GTPBP1: variants seen among roughly 807,000 people sequenced by gnomAD.
GTPBP1 encodes GTP binding protein 1.
Under a neutral mutation model 62.0 loss-of-function variants are expected in GTPBP1, and 23 were observed. The ratio of observed to expected loss-of-function variants is 0.37; its 90% CI spans 0.27 to 0.53. The LOEUF (loss-of-function observed/expected upper bound fraction) is 0.53, where lower values mean the gene tolerates loss of function less well. Among genes scored for constraint, GTPBP1 ranks in the 20% least tolerant of loss-of-function variants. GTPBP1 has a pLI of 0.89. For synonymous variants in GTPBP1, 344 were observed against 364.4 expected (o/e 0.94, Z 0.64); for missense variants, 640 against 917.3 (o/e 0.70, Z 3.90).
chr22:38,708,815 TG>T, intron 1 of GTPBP1, 29 bp from the exon 2 acceptor site: 1 of 1,197,772 alleles, frequency 8.3e-7, no homozygotes, highest in South Asian at 1.2e-5. Flanking sequence ...CTAGCAAGTG[TG>T]GTCCTAAGGC....
At chr22:38,740,266 C>T (rs1334239799), downstream of GTPBP1, 2 of 1,572,222 alleles carry the variant, frequency 1.3e-6, no homozygotes, top group Non-Finnish European at 1.7e-6. This position sits in a 1 kb window ranked among gnomAD's most constrained non-coding sequence, Gnocchi z 4.8. Context: ...TTCCCACTCA[C>T]GTCGTCCCGC....
chr22:38,737,657 G>A, downstream of GTPBP1: 1 of 344,350 alleles, frequency 2.9e-6, no homozygotes, highest in Non-Finnish European at 5.7e-6. This position sits in a 1 kb window ranked among gnomAD's most constrained non-coding sequence, Gnocchi z 4.1. Flanking sequence ...CTCCCCCGGT[G>A]TGGGGCTTAG....
downstream of GTPBP1, chr22:38,738,773 A>T (rs775442033): frequency 3.7e-6 from 6 of 1,611,520 alleles, no homozygotes; most frequent in South Asian, 6.6e-5. The surrounding 1 kb of genome is among the most constrained non-coding windows in gnomAD (Gnocchi z 6.6). Flanking sequence ...GCAGAAAGTC[A>T]TGTCAGGACA....
At position 38,715,881 on chromosome 22, in the gene GTPBP1, GCTGATGT is replaced by G; in HGVS notation, c.305-22_305-16del. 1 of 1,582,444 alleles carries G rather than the reference GCTGATGT, an allele frequency of 6.3e-7. No homozygotes were observed. The highest frequency in any genetic ancestry group is 8.6e-7 in the Non-Finnish European group (1 of 1,163,336). On this transcript the variant is annotated intron_variant, in intron 2 of 11. Coordinates refer to ENST00000216044, the MANE Select transcript of GTPBP1 (RefSeq NM_004286.5). The stretch of plus-strand genomic sequence containing the variant: ...CTGGTTGGTCAGGACTCCCTCTCCT[GCTGATGT>G]CTGGGCTCTTGTCACCAGATGGGAC...
At chr22:38,720,386 A>ATT (rs55850024) in intron 4 of GTPBP1, among the ~76,000 whole-genome samples, 2 of 145,014 alleles carry the variant, frequency 1.4e-5, no homozygotes, top group East Asian at 2.0e-4. Flanking sequence ...CATGCAGCTA[A>ATT]TTTTTTTTTT....
downstream of GTPBP1, among the ~76,000 whole-genome samples, chr22:38,737,005 G>A (rs1001492614): frequency 1.3e-5 from 2 of 152,088 alleles, no homozygotes; most frequent in Non-Finnish European, 2.9e-5. The surrounding 1 kb of genome is among the most constrained non-coding windows in gnomAD (Gnocchi z 4.1). Context: ...CACCACACCC[G>A]GCTAAATTTT....
rs2092668609 is a variant in GTPBP1, at chr22:38,716,076, C to T, written c.474C>T (p.Phe158=). The change falls in exon 3 of 12, where the codon TTC becomes TTT. Residue 158 remains phenylalanine (F), a synonymous_variant. Transcript: ENST00000216044. The surrounding 1 kb of genome is among the most constrained non-coding windows in gnomAD (Gnocchi z 5.2). ...LVRKRVGDND[F]LEVRVAVVGN... ...GGAAACGAGTAGGAGACAATGACTT[C>T]CTGGAGGTCAGGTGAGGAGGCCGCG... is the stretch of plus-strand genomic sequence containing the variant. The T allele has an allele frequency of 2.5e-6, 4 of 1,597,518 alleles. No homozygotes were observed. The highest frequency in any genetic ancestry group is 1.7e-4 in the Middle Eastern group (1 of 6,052).
chr22:38,735,969 G>A (rs910967527), downstream of GTPBP1: 21 of 305,782 alleles, frequency 6.9e-5, no homozygotes, highest in African/African-American at 4.2e-4. Context: ...GACCAGTCAG[G>A]TCCTACCTCT....
chr22:38,724,488 C>T (rs1377160002), intron 6 of GTPBP1, 77 bp downstream of exon 6: 2 of 840,290 alleles, frequency 2.4e-6, no homozygotes, highest in Non-Finnish European at 4.1e-6. Flanking sequence ...CCTGGAATGG[C>T]TGTCAGTTTG....
intron 4 of GTPBP1, among the ~76,000 whole-genome samples, chr22:38,720,029 T>C (rs930305598): frequency 3.4e-5 from 5 of 147,672 alleles, no homozygotes; most frequent in Non-Finnish European, 7.5e-5. Context: ...CCCGGGTTCA[T>C]GCCATTCTTC....
At chr22:38,723,887 A>G (rs2092713567) in intron 5 of GTPBP1, among the ~76,000 whole-genome samples, 1 of 152,250 alleles carries the variant, frequency 6.6e-6, no homozygotes, top group African/African-American at 2.4e-5. Context: ...AAGCCTCATA[A>G]TAAGGGTCTC....
Position 38,730,978 on chromosome 22 carries a change from T to G in GTPBP1, c.*274T>G. On this transcript the variant is annotated 3_prime_UTR_variant, in exon 12 of 12. Coordinates refer to ENST00000216044, the MANE Select transcript of GTPBP1 (RefSeq NM_004286.5). This position sits in a 1 kb window ranked among gnomAD's most constrained non-coding sequence, Gnocchi z 5.6. ...TGTACATCTGGGCCCTTAGTTTTTA[T>G]TCTGTTTATTATATGTCTCTGTCTC... 2.2e-6 allele frequency: 1 copy of G among 457,356 alleles called. No individual in the cohort carries two copies. The highest frequency in any genetic ancestry group is 3.9e-6 in the Non-Finnish European group (1 of 256,460). The allele number at this position is 457,356 out of a possible 1,614,324, so 28.3% of individuals were successfully genotyped here.
At chr22:38,718,229 G>A (rs1273019811) in intron 4 of GTPBP1, among the ~76,000 whole-genome samples, 3 of 152,210 alleles carry the variant, frequency 2.0e-5, no homozygotes, top group Admixed American at 1.3e-4. Flanking sequence ...GATCCAGAGG[G>A]CGTATTTAGG....
chr22:38,727,912 C>A lies in GTPBP1; in HGVS notation c.1538-71C>A. On this transcript the variant is annotated intron_variant, in intron 9 of 11. Transcript: ENST00000216044. This position sits in a 1 kb window ranked among gnomAD's most constrained non-coding sequence, Gnocchi z 6.5. The stretch of plus-strand genomic sequence containing the variant: ...AGCTTAAGCGTATTTCATGCTTTCA[C>A]TCACTGCCTCCCGTTGTCCTGAAGC... 9.5e-7 allele frequency: 1 copy of A among 1,050,944 alleles called. No homozygotes were observed. The highest frequency in any genetic ancestry group is 1.5e-6 in the Non-Finnish European group (1 of 677,948). The allele number at this position is 1,050,944 out of a possible 1,614,324, so 65.1% of individuals were successfully genotyped here. A position where few individuals can be genotyped will look rare whatever the true frequency, so the allele number is the denominator to read the frequency against.
At chr22:38,739,662 C>T, downstream of GTPBP1, 9 of 1,575,020 alleles carry the variant, frequency 5.7e-6, no homozygotes, top group South Asian at 1.2e-5. The surrounding 1 kb of genome is among the most constrained non-coding windows in gnomAD (Gnocchi z 6.7). Flanking sequence ...TGGGACTGTC[C>T]AGGGCTCCCA....
chr22:38,740,288 C>G, downstream of GTPBP1: 2 of 1,600,908 alleles, frequency 1.2e-6, no homozygotes, highest in South Asian at 1.1e-5. The surrounding 1 kb of genome is among the most constrained non-coding windows in gnomAD (Gnocchi z 4.8). Flanking sequence ...CGGCCTGGAT[C>G]TGCTGGGGCA....
intron 1 of GTPBP1, chr22:38,706,553 C>G (rs2092606087): frequency 1.2e-5 from 2 of 166,166 alleles, no homozygotes; most frequent in Admixed American, 1.2e-4. Flanking sequence ...CTCCCTGGAC[C>G]GCGCGGGACA....
chr22:38,740,163 AAC>A, downstream of GTPBP1: 1 of 1,393,416 alleles, frequency 7.2e-7, no homozygotes. This position sits in a 1 kb window ranked among gnomAD's most constrained non-coding sequence, Gnocchi z 4.8. Flanking sequence ...TCTTGGGCAT[AAC>A]AGAGGCTGCA....
downstream of GTPBP1, chr22:38,738,713 T>A: frequency 6.2e-7 from 1 of 1,613,650 alleles, no homozygotes; most frequent in Non-Finnish European, 8.5e-7. This position sits in a 1 kb window ranked among gnomAD's most constrained non-coding sequence, Gnocchi z 6.6. Flanking sequence ...CGAAGCCTTG[T>A]GGCCCCTGGA....
Sources: allele counts gnomAD v4.1 joint callset (sites outside exome capture counted in the v4.1 genomes callset), GRCh38; gene constraint gnomAD v4.1.1; non-coding constraint Gnocchi (gnomAD v3.1); transcripts MANE v1.5; gene names NCBI Gene and HGNC (gene_info 2026-07-23, HGNC 2026-07-21).